KCNIP4: variants seen among roughly 807,000 people sequenced by gnomAD.
The protein encoded by KCNIP4 is Kv channel-interacting protein 4.
Under a neutral mutation model 34.0 loss-of-function variants are expected in KCNIP4, and 12 were observed. The observed-to-expected ratio is 0.35, with a 90% CI of 0.23 to 0.57. The LOEUF (loss-of-function observed/expected upper bound fraction) is 0.57, where lower values mean the gene tolerates loss of function less well. Among genes scored for constraint, KCNIP4 ranks in the 20% least tolerant of loss-of-function variants. The pLI is 0.83. For synonymous variants in KCNIP4, 124 were observed against 102.2 expected, an observed-to-expected ratio of 1.21 and a Z score of -1.29; for missense variants, 238 against 311.7, an observed-to-expected ratio of 0.76 and a Z score of 1.78.
intron 1 of KCNIP4, among the ~76,000 whole-genome samples, chr4:21,788,213 C>T (rs552698349): frequency 4.0e-5 from 6 of 151,310 alleles, no homozygotes; most frequent in Admixed American, 1.3e-4. Flanking sequence ...AACTCAAGAG[C>T]AATGCTATTA....
intron 1 of KCNIP4, among the ~76,000 whole-genome samples, chr4:21,050,126 T>A (rs1178434523): frequency 6.6e-6 from 1 of 152,170 alleles, no homozygotes; most frequent in African/African-American, 2.4e-5. Context: ...TATTTTTACA[T>A]AAAAGTCAGT....
chr4:21,536,781 A>C (rs74964670), intron 1 of KCNIP4, among the ~76,000 whole-genome samples: 1 of 141,338 alleles, frequency 7.1e-6, no homozygotes, highest in Non-Finnish European at 1.5e-5. Context: ...ACTCTGTTTC[A>C]AAAAAAAAAA....
At chr4:20,870,389 G>A (rs1723320241) in intron 2 of KCNIP4, among the ~76,000 whole-genome samples, 1 of 152,106 alleles carries the variant, frequency 6.6e-6, no homozygotes, top group Non-Finnish European at 1.5e-5. Context: ...ATGATTGTAA[G>A]TTTCCTGAGG....
intron 1 of KCNIP4, among the ~76,000 whole-genome samples, chr4:21,809,646 G>C (rs1468942883): frequency 6.6e-6 from 1 of 152,032 alleles, no homozygotes; most frequent in Non-Finnish European, 1.5e-5. Flanking sequence ...GAAACTAATG[G>C]TATTATTTTG....
At chr4:20,992,720 A>G (rs1428689525) in intron 1 of KCNIP4, among the ~76,000 whole-genome samples, 1 of 152,064 alleles carries the variant, frequency 6.6e-6, no homozygotes, top group East Asian at 1.9e-4. Flanking sequence ...TTCTCAATGG[A>G]TGATGAACAA....
At chr4:21,355,238 A>T (rs1718453823) in intron 1 of KCNIP4, among the ~76,000 whole-genome samples, 1 of 152,224 alleles carries the variant, frequency 6.6e-6, no homozygotes, top group Admixed American at 6.5e-5. Flanking sequence ...CACAATTAAA[A>T]TAACTAGAGA....
At chr4:21,467,541 T>C (rs1560434828) in intron 1 of KCNIP4, among the ~76,000 whole-genome samples, 1 of 152,080 alleles carries the variant, frequency 6.6e-6, no homozygotes, top group Non-Finnish European at 1.5e-5. Context: ...GCCGTCTCCC[T>C]CTGCAAAAAG....
At chr4:21,152,200 C>T (rs1312465605) in intron 1 of KCNIP4, among the ~76,000 whole-genome samples, 1 of 152,086 alleles carries the variant, frequency 6.6e-6, no homozygotes, top group Non-Finnish European at 1.5e-5. Context: ...TTGCAGTGAG[C>T]CCAGATAGCA....
chr4:21,628,275 G>C (rs1745472548), intron 1 of KCNIP4, among the ~76,000 whole-genome samples: 1 of 152,072 alleles, frequency 6.6e-6, no homozygotes. Context: ...GCTGAGAGTA[G>C]GTATGTTCCT....
At chr4:21,106,963 C>T (rs888354798) in intron 1 of KCNIP4, among the ~76,000 whole-genome samples, 5 of 150,400 alleles carry the variant, frequency 3.3e-5, no homozygotes, top group African/African-American at 7.5e-5. Flanking sequence ...GTCTGAGAGA[C>T]AGTTTGTTAT....
intron 3 of KCNIP4, among the ~76,000 whole-genome samples, chr4:20,841,473 C>G (rs1373996030): frequency 6.6e-6 from 1 of 152,194 alleles, no homozygotes; most frequent in Non-Finnish European, 1.5e-5. Context: ...AGCTTTTCCA[C>G]AGACAAGTCT....
chr4:21,827,760 C>T (rs954764367), intron 1 of KCNIP4, among the ~76,000 whole-genome samples: 1 of 151,996 alleles, frequency 6.6e-6, no homozygotes, highest in African/African-American at 2.4e-5. Context: ...GAATCCCTAA[C>T]CACAAGCTGA....
At chr4:20,752,841 G>A (rs1753885747) in intron 4 of KCNIP4, 1 of 152,118 alleles carries the variant, frequency 6.6e-6, no homozygotes, top group Non-Finnish European at 1.5e-5. Context: ...AAGCATCTAT[G>A]GTTCTGGTTT....
chr4:20,842,581 C>CAAAAAAAAAAAAAAA lies in KCNIP4; in HGVS notation c.288+7947_288+7961dup, dbSNP rs59134256. 1.1e-4 allele frequency among the ~76,000 whole-genome samples: 8 copies of CAAAAAAAAAAAAAAA among 69,688 alleles called. 1 individual carries two copies. Among genetic ancestry groups the CAAAAAAAAAAAAAAA allele is most frequent in the African/African-American group, 4.7e-4 (8 of 17,050 alleles). The allele number at this position is 69,688 out of a possible 152,430, so 45.7% of individuals were successfully genotyped here. ...GGCAATTGAGTCTCTCTTCTAATGG[C>CAAAAAAAAAAAAAAA]AAAAAAAAAAAAAAAAAAAAAAAAA... On this transcript the variant is annotated intron_variant, in intron 3 of 8. Coordinates refer to ENST00000382152, the MANE Select transcript of KCNIP4 (RefSeq NM_025221.6).
At chr4:21,271,322 G>T (rs1466196902) in intron 1 of KCNIP4, among the ~76,000 whole-genome samples, 1 of 152,152 alleles carries the variant, frequency 6.6e-6, no homozygotes, top group African/African-American at 2.4e-5. Context: ...GAGACAATCA[G>T]GTAGAAAAGA....
At chr4:21,425,836 GC>G (rs1213120650) in intron 1 of KCNIP4, among the ~76,000 whole-genome samples, 1 of 152,114 alleles carries the variant, frequency 6.6e-6, no homozygotes. Flanking sequence ...GATCGCTTAA[GC>G]CCAGGATATT....
intron 2 of KCNIP4, among the ~76,000 whole-genome samples, chr4:20,869,187 T>C (rs770196221): frequency 1.3e-5 from 2 of 152,032 alleles, no homozygotes; most frequent in Non-Finnish European, 2.9e-5. Context: ...TTGCAGCTAA[T>C]ATCAGTGATG....
chr4:21,024,000 A>C (rs1202190702), intron 1 of KCNIP4, among the ~76,000 whole-genome samples: 1 of 152,198 alleles, frequency 6.6e-6, no homozygotes. Context: ...TGGAACCCTC[A>C]TACACTGTGG....
At chr4:21,792,940 T>A (rs573624960) in intron 1 of KCNIP4, among the ~76,000 whole-genome samples, 1 of 152,258 alleles carries the variant, frequency 6.6e-6, no homozygotes, top group South Asian at 2.1e-4. Context: ...GCTCAGAGTA[T>A]GTGAGAGAAA....
Sources: allele counts gnomAD v4.1 joint callset (sites outside exome capture counted in the v4.1 genomes callset), GRCh38; gene constraint gnomAD v4.1.1; transcripts MANE v1.5; gene names NCBI Gene and HGNC (gene_info 2026-07-23, HGNC 2026-07-21).